CNNM4: variants seen among roughly 807,000 people sequenced by gnomAD.
CNNM4 encodes the protein metal transporter CNNM4.
Under a neutral mutation model 53.7 loss-of-function variants are expected in CNNM4, and 32 were observed. That is an observed-to-expected ratio of 0.60 (90% confidence interval 0.45 to 0.80). The LOEUF (loss-of-function observed/expected upper bound fraction) is 0.80. CNNM4 is among the 30% of genes least tolerant of loss of function. The pLI is 0.00. For synonymous variants in CNNM4, 410 were observed against 440.0 expected (o/e 0.93, Z 0.85); for missense variants, 784 against 1,022.0 (o/e 0.77, Z 3.17).
chr2:96,804,226 A>ATTTTTT, intron 5 of CNNM4, among the ~76,000 whole-genome samples: 1 of 127,140 alleles, frequency 7.9e-6, no homozygotes, highest in Non-Finnish European at 1.7e-5. Flanking sequence ...CACGTCACTA[A>ATTTTTT]TTTTTTTTTT....
chr2:96,801,101 G>A lies in CNNM4; in HGVS notation c.1948+1453G>A. 1.0e-6 allele frequency: 1 copy of A among 985,396 alleles called. No homozygotes were observed. Among genetic ancestry groups the A allele is most frequent in the African/African-American group, 1.7e-5 (1 of 57,342 alleles). 61.0% of individuals were successfully genotyped at this position (985,396 alleles called of 1,614,324 possible). On this transcript the variant is annotated intron_variant, in intron 5 of 6. Coordinates refer to ENST00000377075, the MANE Select transcript of CNNM4 (RefSeq NM_020184.4). The surrounding 1 kb of genome is among the most constrained non-coding windows in gnomAD (Gnocchi z 5.6). ...TTCAGTCCAGGTCGGGTGTCCGCCT[G>A]GCAAGCGGAACTCCCTGCTCTGCTG... is the stretch of plus-strand genomic sequence containing the variant.
Position 96,809,873 on chromosome 2 carries a change from A to G in CNNM4, c.*356A>G. 1 of 178,906 alleles carries G rather than the reference A, an allele frequency of 5.6e-6. No homozygotes were observed. 11.1% of individuals were successfully genotyped at this position (178,906 alleles called of 1,614,324 possible). ...AAAAAAAAAATATTTTTTTCCTAAA[A>G]ACTATAAAAGAGGAAGGGTTTCTTG... On this transcript the variant is annotated 3_prime_UTR_variant, in exon 7 of 7. Transcript: ENST00000377075.
intron 3 of CNNM4, chr2:96,798,385 G>A (rs2079125217): frequency 6.1e-6 from 1 of 164,434 alleles, no homozygotes; most frequent in African/African-American, 2.4e-5. Flanking sequence ...ACTCTGAGGA[G>A]CTTGCATCCA....
chr2:96,776,192 G>T (rs1384116245), intron 1 of CNNM4, among the ~76,000 whole-genome samples: 1 of 151,614 alleles, frequency 6.6e-6, no homozygotes, highest in Non-Finnish European at 1.5e-5. Context: ...ACCACGCCTG[G>T]CTAATTTTTT....
intron 1 of CNNM4, among the ~76,000 whole-genome samples, chr2:96,789,046 G>A (rs190339948): frequency 7.9e-5 from 12 of 152,298 alleles, no homozygotes; most frequent in Admixed American, 6.5e-5. Context: ...ATTGTGCAGG[G>A]TGGGGCCATC....
rs905767585 is a variant in CNNM4, at chr2:96,800,178, C to T, written c.1948+530C>T. On this transcript the variant is annotated intron_variant, in intron 5 of 6. Transcript: ENST00000377075. The surrounding 1 kb of genome is among the most constrained non-coding windows in gnomAD (Gnocchi z 4.6). ...GACAGAAGGGAGACTGGGCACCCTC[C>T]GAGAGGTGTTATGGAAGGTCCGGGG... Among the ~76,000 whole-genome samples, 2 of 152,022 alleles carry T rather than the reference C, an allele frequency of 1.3e-5. No individual in the cohort carries two copies. Among genetic ancestry groups the T allele is most frequent in the South Asian group, 2.1e-4 (1 of 4,804 alleles).
intron 1 of CNNM4, among the ~76,000 whole-genome samples, chr2:96,789,281 G>A (rs1188334105): frequency 6.6e-6 from 1 of 152,314 alleles, no homozygotes; most frequent in South Asian, 2.1e-4. Flanking sequence ...CAGGGCTAAC[G>A]TTTGAGCCCA....
Position 96,809,480 on chromosome 2 carries a change from C to A in CNNM4, c.2291C>A (p.Ser764Tyr), listed in dbSNP as rs1333893177. ...ACAACTCTTCTCAACGAGCGTAACT[C>A]CTTGCTGCACAAAGCCTCCCACGAG... ...ETTTLLNERN[S>Y]LLHKASHENA... is the part of the protein sequence containing the mutation. The change falls in exon 7 of 7, where the codon TCC (serine) becomes TAC (tyrosine). Residue 764 changes from serine to tyrosine, a missense_variant. Physicochemically the swap from Ser to Tyr is moderately radical, Grantham distance 144 (BLOSUM62 -2). Around this residue, in one of 3 missense-constraint regions of CNNM4, gnomAD observed 307 missense variants for 376.3 expected, o/e 0.82. Transcript: ENST00000377075. The A allele has an allele frequency of 5.6e-6, 9 of 1,614,242 alleles. No homozygotes were observed. The highest frequency in any genetic ancestry group is 7.6e-6 in the Non-Finnish European group (9 of 1,180,038).
Position 96,799,049 on chromosome 2 carries a change from T to A in CNNM4, c.1682-8T>A. ...CCCGTGTGAGGTCTCTTCTCTCTCC[T>A]CCTACAGAGGTCTCTCAGTTTAGCC... On this transcript the variant is annotated splice_polypyrimidine_tract_variant and splice_region_variant and intron_variant, in intron 3 of 6. Transcript: ENST00000377075. 2 of 1,613,788 alleles carry A rather than the reference T, an allele frequency of 1.2e-6. No homozygotes were observed. Among genetic ancestry groups the A allele is most frequent in the Non-Finnish European group, 8.5e-7 (1 of 1,179,866 alleles).
At chr2:96,803,185 C>G (rs2079173719) in intron 5 of CNNM4, among the ~76,000 whole-genome samples, 1 of 152,136 alleles carries the variant, frequency 6.6e-6, no homozygotes, top group South Asian at 2.1e-4. Context: ...AGCCTCCCTC[C>G]CCTCCTCTGG....
In CNNM4 at chr2:96,769,642, C is replaced by T. The variant is rs1424438893; in HGVS notation, c.1402+7241C>T. Among the ~76,000 whole-genome samples the T allele has an allele frequency of 4.0e-5, 6 of 151,300 alleles. No homozygotes were observed. The East Asian group carries it at 5.8e-4, about 15-fold the overall frequency. ...TCAGTGTGTAAAAGCCAGGCTGAGG[C>T]GACTCCTTGATGGAGACGAAGAGAA... is the stretch of plus-strand genomic sequence containing the variant. On this transcript the variant is annotated intron_variant, in intron 1 of 6. Transcript: ENST00000377075.
In CNNM4 at chr2:96,797,771, C is replaced by T; in HGVS notation, c.1681+124C>T. On this transcript the variant is annotated intron_variant, in intron 3 of 6. Transcript: ENST00000377075. This position sits in a 1 kb window ranked among gnomAD's most constrained non-coding sequence, Gnocchi z 6.0. ...GCAGGTGAGGGGTGCAGAGACAACACAGCCACCCCTGGAAGGGGCCGGGTA... is the reference window on the plus strand; with the variant it reads ...GCAGGTGAGGGGTGCAGAGACAACATAGCCACCCCTGGAAGGGGCCGGGTA... The T allele has an allele frequency of 7.5e-7, 1 of 1,328,572 alleles. No homozygotes were observed. Among genetic ancestry groups the T allele is most frequent in the Admixed American group, 1.9e-5 (1 of 51,464 alleles). The allele number at this position is 1,328,572 out of a possible 1,614,324, so 82.3% of individuals were successfully genotyped here. A position where few individuals can be genotyped will look rare whatever the true frequency, so the allele number is the denominator to read the frequency against.
At chr2:96,791,885 C>A (rs1472688838) in intron 1 of CNNM4, among the ~76,000 whole-genome samples, 1 of 151,852 alleles carries the variant, frequency 6.6e-6, no homozygotes, top group African/African-American at 2.4e-5. Context: ...GTATTAATTT[C>A]TTTTTTTCTT....
intron 5 of CNNM4, among the ~76,000 whole-genome samples, chr2:96,804,994 T>A (rs1048192268): frequency 1.2e-4 from 18 of 152,068 alleles, no homozygotes; most frequent in African/African-American, 4.1e-4. Flanking sequence ...CTTTAAAAAA[T>A]AATAATAATA....
At chr2:96,772,270 C>T (rs1244237303) in intron 1 of CNNM4, among the ~76,000 whole-genome samples, 6 of 140,296 alleles carry the variant, frequency 4.3e-5, no homozygotes, top group Non-Finnish European at 9.2e-5. Flanking sequence ...CCCATGCGCG[C>T]ACACACACTC....
At chr2:96,785,292 C>T (rs1034781758) in intron 1 of CNNM4, among the ~76,000 whole-genome samples, 1 of 151,984 alleles carries the variant, frequency 6.6e-6, no homozygotes, top group Admixed American at 6.6e-5. Context: ...TGTACATGTG[C>T]TGTTATACTA....
intron 5 of CNNM4, among the ~76,000 whole-genome samples, chr2:96,805,307 T>C (rs1380933002): frequency 6.6e-6 from 1 of 151,028 alleles, no homozygotes; most frequent in East Asian, 1.9e-4. Context: ...AACTGTAAAC[T>C]AGGAAACTGT....
rs577801500 is a variant in CNNM4 at position 96,772,489 on chromosome 2, C to T, written c.1402+10088C>T. Reference sequence around the variant, plus strand: ...AGGCAGGCTCGCTCTCACCCATGCACGCACACACACACTCATACCCCCCAC... The same window carrying T: ...AGGCAGGCTCGCTCTCACCCATGCATGCACACACACACTCATACCCCCCAC... On this transcript the variant is annotated intron_variant, in intron 1 of 6. Transcript: ENST00000377075. Among the ~76,000 whole-genome samples the T allele has an allele frequency of 5.3e-5, 7 of 131,928 alleles. No homozygotes were observed. In the South Asian group the frequency reaches 7.9e-4, roughly 15 times the overall value. 86.5% of individuals were successfully genotyped at this position (131,928 alleles called of 152,430 possible).
chr2:96,799,444 C>A (rs2079138277), intron 4 of CNNM4, 108 bp from the exon 5 acceptor site: 6 of 1,157,272 alleles, frequency 5.2e-6, no homozygotes, highest in Non-Finnish European at 7.6e-6. Flanking sequence ...GGCTCCAGTA[C>A]CGGCCCTTCC....
Sources: allele counts gnomAD v4.1 joint callset (sites outside exome capture counted in the v4.1 genomes callset), GRCh38; gene constraint gnomAD v4.1.1; regional missense constraint gnomAD v4.1.1; non-coding constraint Gnocchi (gnomAD v3.1); transcripts MANE v1.5; gene names NCBI Gene and HGNC (gene_info 2026-07-23, HGNC 2026-07-21).